The following KLHL1 variants were observed in gnomAD, a reference collection of about 807,000 sequenced individuals.
The protein encoded by KLHL1 is kelch-like protein 1.
KLHL1 carries 47 observed loss-of-function variants against 77.7 expected under a neutral mutation model. That is an observed-to-expected ratio of 0.60 (90% CI 0.48 to 0.77). The LOEUF (loss-of-function observed/expected upper bound fraction) is 0.77, where lower values mean the gene tolerates loss of function less well. Among genes scored for constraint, KLHL1 ranks in the 30% least tolerant of loss-of-function variants. The pLI is 0.00. For synonymous variants in KLHL1, 360 were observed against 325.2 expected, an observed-to-expected ratio of 1.11 and a Z score of -1.15; for missense variants, 925 against 910.8, an observed-to-expected ratio of 1.02 and a Z score of -0.20.
Position 70,081,401 on chromosome 13 carries a change from T to G in KLHL1, c.497+25802A>C, listed in dbSNP as rs538605580. Among the ~76,000 whole-genome samples the G allele has an allele frequency of 5.3e-5, 8 of 152,338 alleles. No individual in the cohort carries two copies. The South Asian group carries it at 1.7e-3, about 32-fold the overall frequency. ...AATCAAGATTTTGGGTCCACTGCTTTTTCATCTATAGGCTCAATTGGAGAA... is the reference window on the plus strand; with the variant it reads ...AATCAAGATTTTGGGTCCACTGCTTGTTCATCTATAGGCTCAATTGGAGAA... On this transcript the variant is annotated intron_variant, in intron 1 of 10. Coordinates refer to ENST00000377844, the MANE Select transcript of KLHL1 (RefSeq NM_020866.3).
At chr13:69,948,668 G>A (rs1049555100) in intron 3 of KLHL1, among the ~76,000 whole-genome samples, 1 of 151,902 alleles carries the variant, frequency 6.6e-6, no homozygotes, top group Admixed American at 6.6e-5. Flanking sequence ...ATAAAAATAT[G>A]TAAAATAGAA....
intron 2 of KLHL1, among the ~76,000 whole-genome samples, chr13:69,965,723 A>G (rs11616357): frequency 0.085 from 12,940 of 152,250 alleles, 619 homozygotes; most frequent in Non-Finnish European, 0.11. Context: ...GTCTTGAAGT[A>G]AATTAAAAGT....
At chr13:69,802,181 G>C (rs1286704580) in intron 6 of KLHL1, among the ~76,000 whole-genome samples, 1 of 152,072 alleles carries the variant, frequency 6.6e-6, no homozygotes, top group East Asian at 1.9e-4. Flanking sequence ...CCATGTCCCT[G>C]CAAAGGACAT....
chr13:69,849,017 C>T (rs1342459666), intron 5 of KLHL1, among the ~76,000 whole-genome samples: 1 of 151,542 alleles, frequency 6.6e-6, no homozygotes. Context: ...AGTTAACCTT[C>T]CACCCTGTAT....
intron 4 of KLHL1, among the ~76,000 whole-genome samples, chr13:69,926,374 T>C (rs1471828145): frequency 6.6e-6 from 1 of 152,182 alleles, no homozygotes; most frequent in African/African-American, 2.4e-5. Context: ...ATTGCAAGTA[T>C]GCTAATAGTT....
At chr13:69,708,716 C>G (rs1474554944) in intron 9 of KLHL1, among the ~76,000 whole-genome samples, 1 of 151,932 alleles carries the variant, frequency 6.6e-6, no homozygotes, top group East Asian at 1.9e-4. Flanking sequence ...AATGAATGTA[C>G]TCTGAATGAA....
intron 1 of KLHL1, among the ~76,000 whole-genome samples, chr13:70,009,468 G>A (rs1885479674): frequency 6.6e-6 from 1 of 152,142 alleles, no homozygotes; most frequent in Admixed American, 6.6e-5. Flanking sequence ...ATTTCCCTAT[G>A]ACTTTAAAAA....
At chr13:69,970,034 T>C (rs1884334235) in intron 2 of KLHL1, among the ~76,000 whole-genome samples, 1 of 152,202 alleles carries the variant, frequency 6.6e-6, no homozygotes, top group African/African-American at 2.4e-5. Context: ...TGCAGACTTC[T>C]TATCCCAGCT....
intron 2 of KLHL1, among the ~76,000 whole-genome samples, chr13:69,964,938 C>T (rs183834872): frequency 9.2e-5 from 14 of 152,140 alleles, no homozygotes; most frequent in Middle Eastern, 3.4e-3. Context: ...AATTTGATTA[C>T]ATAACAGATA....
chr13:69,898,183 A>C (rs1881715964), intron 4 of KLHL1, among the ~76,000 whole-genome samples: 1 of 152,170 alleles, frequency 6.6e-6, no homozygotes, highest in Non-Finnish European at 1.5e-5. Context: ...ATGGCCCCCT[A>C]GGGCCTGCTC....
At chr13:70,050,909 C>A (rs2060274502) in intron 1 of KLHL1, among the ~76,000 whole-genome samples, 1 of 151,842 alleles carries the variant, frequency 6.6e-6, no homozygotes, top group African/African-American at 2.4e-5. Context: ...TAAATTGAAT[C>A]TCATATTTGT....
intron 1 of KLHL1, among the ~76,000 whole-genome samples, chr13:70,100,326 T>C (rs1047175188): frequency 2.0e-5 from 3 of 152,142 alleles, no homozygotes; most frequent in African/African-American, 7.2e-5. Flanking sequence ...CAATTATTCA[T>C]TGTTAATATA....
intron 8 of KLHL1, among the ~76,000 whole-genome samples, chr13:69,727,234 A>G (rs1873339228): frequency 6.6e-6 from 1 of 152,164 alleles, no homozygotes; most frequent in Non-Finnish European, 1.5e-5. Flanking sequence ...TCTTGACACT[A>G]TTGTTCTTAA....
intron 8 of KLHL1, among the ~76,000 whole-genome samples, chr13:69,726,963 T>C (rs1873329500): frequency 6.6e-6 from 1 of 152,102 alleles, no homozygotes; most frequent in Non-Finnish European, 1.5e-5. Flanking sequence ...AAAATAGTGA[T>C]TTATCTGTGG....
intron 5 of KLHL1, among the ~76,000 whole-genome samples, chr13:69,849,250 A>G (rs888406215): frequency 2.6e-5 from 4 of 151,494 alleles, no homozygotes; most frequent in African/African-American, 7.3e-5. Context: ...TAATTCTTTC[A>G]TGTTTAGGCT....
chr13:69,841,188 T>G (rs1048737876), intron 5 of KLHL1, among the ~76,000 whole-genome samples: 2 of 151,792 alleles, frequency 1.3e-5, no homozygotes, highest in Admixed American at 6.6e-5. Context: ...CATCTCATAT[T>G]CAACATAGTA....
chr13:69,885,846 A>G (rs1881196593), intron 4 of KLHL1, among the ~76,000 whole-genome samples: 1 of 152,228 alleles, frequency 6.6e-6, no homozygotes, highest in Admixed American at 6.5e-5. Context: ...CTGGAAAATG[A>G]TAGTAATCAA....
chr13:69,996,390 T>C (rs1467388483), intron 1 of KLHL1, among the ~76,000 whole-genome samples: 1 of 152,114 alleles, frequency 6.6e-6, no homozygotes, highest in African/African-American at 2.4e-5. Context: ...ATTTGGAAGA[T>C]AAAAATGTCA....
chr13:69,774,617 T>G (rs1269490162), intron 7 of KLHL1, among the ~76,000 whole-genome samples: 1 of 152,010 alleles, frequency 6.6e-6, no homozygotes, highest in Non-Finnish European at 1.5e-5. Context: ...TAGGAGTAGA[T>G]ATTCTTTTAT....
Sources: gnomAD v4.1 joint callset for allele counts (sites outside exome capture counted in the v4.1 genomes callset) on GRCh38, gnomAD v4.1.1 for gene constraint, MANE v1.5 for transcripts, NCBI Gene and HGNC (gene_info 2026-07-23, HGNC 2026-07-21) for gene names.